KCNC3: variants seen among roughly 807,000 people sequenced by gnomAD.
KCNC3 encodes the protein potassium voltage-gated channel subfamily C member 3.
A neutral mutation model predicts 43.9 loss-of-function variants in KCNC3; 22 were observed. That is an observed-to-expected ratio of 0.50 (90% CI 0.36 to 0.72). KCNC3 has a LOEUF of 0.72. Among genes scored for constraint, KCNC3 ranks in the 30% least tolerant of loss-of-function variants. The pLI is 0.00. For missense variants in KCNC3, 829 were observed against 1,073.8 expected (o/e 0.77, Z 3.19); for synonymous variants, 492 against 488.0 (o/e 1.01, Z -0.11).
Position 50,320,452 on chromosome 19 carries a change from G to T in KCNC3, c.2171-103C>A, listed in dbSNP as rs2037015275. On this transcript the variant is annotated intron_variant, in intron 3 of 4. Transcript: ENST00000477616. ...AAACTTGGGGCGGGGGTACAGGGAA[G>T]ATCTGGGAGGGAGGCAGTTTGGGGC... 5 of 736,644 alleles carry T rather than the reference G, an allele frequency of 6.8e-6. No individual in the cohort carries two copies. In the East Asian group the frequency reaches 1.1e-4, roughly 16 times the overall value. The allele number at this position is 736,644 out of a possible 1,614,324, so 45.6% of individuals were successfully genotyped here. A position where few individuals can be genotyped will look rare whatever the true frequency, so the allele number is the denominator to read the frequency against.
rs981841005 is a variant in KCNC3, at chr19:50,313,765, A to G, written c.*2350T>C. ...GTCAGTTGTGGGAAGGATTTGGAGC[A>G]TCCCAAAGGCTGAATTTGAGCTGAA... On this transcript the variant is annotated 3_prime_UTR_variant, in exon 5 of 5. Transcript: ENST00000477616. The G allele has an allele frequency of 4.6e-5, 7 of 152,162 alleles. No individual in the cohort carries two copies. The highest frequency in any genetic ancestry group is 1.7e-4 in the African/African-American group (7 of 41,388). The allele number at this position is 152,162 out of a possible 1,614,324, so 9.4% of individuals were successfully genotyped here. A position where few individuals can be genotyped will look rare whatever the true frequency, so the allele number is the denominator to read the frequency against.
At chr19:50,331,758 TC>T (rs1347064537), upstream of KCNC3, among the ~76,000 whole-genome samples, 1 of 152,018 alleles carries the variant, frequency 6.6e-6, no homozygotes, top group Non-Finnish European at 1.5e-5. Context: ...CTATGTCCCC[TC>T]CCTGAGTCTC....
chr19:50,331,436 C>A (rs2037187761), upstream of KCNC3, among the ~76,000 whole-genome samples: 1 of 151,480 alleles, frequency 6.6e-6, no homozygotes, highest in Admixed American at 6.6e-5. Context: ...TGGGTCTCTG[C>A]CCTTTCATCT....
Position 50,320,610 on chromosome 19 carries a change from T to C in KCNC3, c.2153A>G (p.Asp718Gly), listed in dbSNP as rs1043922264. The C allele has an allele frequency of 1.2e-6, 2 of 1,612,174 alleles. No homozygotes were observed. The highest frequency in any genetic ancestry group is 1.3e-5 in the African/African-American group (1 of 74,836). ...CACCTCACCTTTTCGGATGGAGCCA[T>C]CAGGGGAAGGGGCATAGTCGGTGAG... ...FLLTDYAPSP[D>G]GSIRKATGAP... is the part of the protein sequence containing the mutation. The change falls in exon 3 of 5, where the codon GAT becomes GGT. Residue 718 changes from aspartate to glycine, a missense_variant. By Grantham distance (94) the Asp-to-Gly change is moderately conservative. Around this residue, in one of 7 missense-constraint regions of KCNC3, gnomAD observed 308 missense variants for 276.2 expected, o/e 1.11. Transcript: ENST00000477616.
rs1439323414 is a variant in KCNC3, at chr19:50,328,510, C to T, written c.573G>A (p.Gln191=). The T allele has an allele frequency of 6.2e-7, 1 of 1,610,378 alleles. No individual in the cohort carries two copies. Among genetic ancestry groups the T allele is most frequent in the Non-Finnish European group, 8.5e-7 (1 of 1,179,436 alleles). ...VEACCWMTYR[Q]HRDAEEALDS... ...CGAGCGCCTCCTCAGCGTCGCGATG[C>T]TGCCGGTAGGTCATCCAGCAGCAGG... is the stretch of plus-strand genomic sequence containing the variant. The change falls in exon 1 of 5, where the codon CAG becomes CAA. Residue 191 remains glutamine (Q), a synonymous_variant. Coordinates refer to ENST00000477616, the MANE Select transcript of KCNC3 (RefSeq NM_004977.3).
intron 2 of KCNC3, 127 bp from the exon 3 acceptor site, chr19:50,320,911 G>A: frequency 2.3e-6 from 2 of 869,746 alleles, no homozygotes; most frequent in South Asian, 1.6e-5. Context: ...ACTGGAAGTG[G>A]AGATTCAAGG....
At chr19:50,320,845 G>T in intron 2 of KCNC3, 61 bp from the exon 3 acceptor site, 2 of 1,523,822 alleles carry the variant, frequency 1.3e-6, no homozygotes, top group Non-Finnish European at 1.8e-6. Flanking sequence ...GTGAACACGC[G>T]GTGGGGCAAG....
At position 50,312,925 on chromosome 19, in the gene KCNC3, T is replaced by C. The variant is rs1271690602; in HGVS notation, c.*3190A>G. The C allele has an allele frequency of 6.7e-6, 1 of 149,754 alleles. No individual in the cohort carries two copies. Among genetic ancestry groups the C allele is most frequent in the Non-Finnish European group, 1.5e-5 (1 of 66,994 alleles). 9.3% of individuals were successfully genotyped at this position (149,754 alleles called of 1,614,324 possible). On this transcript the variant is annotated 3_prime_UTR_variant, in exon 5 of 5. Coordinates refer to ENST00000477616, the MANE Select transcript of KCNC3 (RefSeq NM_004977.3). ...ACCCCTGCTTCACCAGGGTTTAGGG[T>C]CCGAGGGAAGGATGGGGGGGACTCA...
At chr19:50,317,084 C>G (rs1215776959) in intron 4 of KCNC3, among the ~76,000 whole-genome samples, 1 of 150,048 alleles carries the variant, frequency 6.7e-6, no homozygotes, top group Non-Finnish European at 1.5e-5. Context: ...AGGGGCCCCT[C>G]TAGACCTGGG....
At position 50,328,315 on chromosome 19, in the gene KCNC3, C is replaced by T. The variant is rs1265106064; in HGVS notation, c.768G>A (p.Gly256=). The change falls in exon 1 of 5, where the codon GGG becomes GGA. Residue 256 remains glycine (G), a synonymous_variant. Coordinates refer to ENST00000477616, the MANE Select transcript of KCNC3 (RefSeq NM_004977.3). ...CCGCGCCGCCCGCGCCCCCTGGCGG[C>T]CCCCCGGCGCCGCCGCCCGCGTCCT... is the stretch of plus-strand genomic sequence containing the variant. The part of the protein sequence containing the change: ...CFQDAGGGAG[G]PPGGAGGAGG... 3 of 1,127,382 alleles carry T rather than the reference C, an allele frequency of 2.7e-6. No individual in the cohort carries two copies. Among genetic ancestry groups the T allele is most frequent in the Middle Eastern group, 3.7e-4 (1 of 2,676 alleles). The allele number at this position is 1,127,382 out of a possible 1,614,324, so 69.8% of individuals were successfully genotyped here.
intron 1 of KCNC3, among the ~76,000 whole-genome samples, 188 bp downstream of exon 1, chr19:50,328,025 C>T (rs1420000283): frequency 7.0e-6 from 1 of 142,212 alleles, no homozygotes; most frequent in Non-Finnish European, 1.5e-5. Context: ...TTTGGAGGAT[C>T]TGGGGGATGG....
At chr19:50,320,404 C>T in intron 3 of KCNC3, 55 bp from the exon 4 acceptor site, 1 of 594,628 alleles carries the variant, frequency 1.7e-6, no homozygotes, top group Non-Finnish European at 2.9e-6. Context: ...GGAATAAAGA[C>T]AGGTGAAGGG....
intron 1 of KCNC3, among the ~76,000 whole-genome samples, chr19:50,325,279 T>A (rs1278593470): frequency 1.3e-5 from 2 of 151,782 alleles, no homozygotes; most frequent in Non-Finnish European, 2.9e-5. Context: ...ACAGGTGTTA[T>A]AGTAAAGAGA....
intron 3 of KCNC3, 112 bp from the exon 4 acceptor site, chr19:50,320,461 G>C: frequency 1.3e-6 from 1 of 794,508 alleles, no homozygotes; most frequent in South Asian, 1.6e-5. Flanking sequence ...AGATCTGGGA[G>C]GGAGGCAGTT....
rs752977454 is a variant in KCNC3 at position 50,323,150 on chromosome 19, G to T, written c.1803C>A (p.Thr601=). The change falls in exon 2 of 5, where the codon ACC becomes ACA. Residue 601 remains threonine (T), a synonymous_variant. Transcript: ENST00000477616. ...SGGISPPPPI[T]PPSMGVTVAG... The stretch of plus-strand genomic sequence containing the variant: ...CCACAGTCACCCCCATGGAGGGTGG[G>T]GTGATGGGTGGCGGCGGGCTGATGC... 6.5e-7 allele frequency: 1 copy of T among 1,534,102 alleles called. No individual in the cohort carries two copies. The highest frequency in any genetic ancestry group is 8.7e-7 in the Non-Finnish European group (1 of 1,144,462).
Position 50,329,016 on chromosome 19 carries a change from G to A in KCNC3, c.67C>T (p.Pro23Ser). The A allele has an allele frequency of 7.6e-7, 1 of 1,316,464 alleles. No homozygotes were observed. Among genetic ancestry groups the A allele is most frequent in the Non-Finnish European group, 9.8e-7 (1 of 1,025,576 alleles). The allele number at this position is 1,316,464 out of a possible 1,614,324, so 81.5% of individuals were successfully genotyped here. The change falls in exon 1 of 5, where the codon CCA (proline) becomes TCA (serine). Residue 23 changes from proline to serine, a missense_variant. Physicochemically the swap from Pro to Ser is moderately conservative, Grantham distance 74. Around this residue, in one of 7 missense-constraint regions of KCNC3, gnomAD observed 129 missense variants for 83.6 expected, o/e 1.54. Coordinates refer to ENST00000477616, the MANE Select transcript of KCNC3 (RefSeq NM_004977.3). ...GGGGACTCGGGCGGCTGCGGCGGTG[G>A]CGCCGGCTGCTGCTTGCTGGCCCCC... Reference protein sequence around the residue: ...RQGASKQQPAPPPQPPESPPP... With the variant: ...RQGASKQQPASPPQPPESPPP...
At chr19:50,331,771 A>G (rs1277445390), upstream of KCNC3, among the ~76,000 whole-genome samples, 1 of 150,504 alleles carries the variant, frequency 6.6e-6, no homozygotes, top group South Asian at 2.1e-4. Flanking sequence ...CTGAGTCTCT[A>G]TTCCTCCTAT....
chr19:50,320,649 C>G lies in KCNC3; in HGVS notation c.2114G>C (p.Arg705Pro). Residue 705 changes from arginine to proline, a missense_variant, in exon 3 of 5, where the codon CGA becomes CCA. By Grantham distance (103) the Arg-to-Pro change is moderately radical. This residue lies in a region of KCNC3 where 308 missense variants were observed against 276.2 expected (regional missense o/e 1.11). Coordinates refer to ENST00000477616, the MANE Select transcript of KCNC3 (RefSeq NM_004977.3). ...ATAGTCGGTGAGGAGGAAGCAGGCT[C>G]GGTCCCGGCTATAGCGGCCACGGCT... ...PGSRGRYSRDRACFLLTDYAP... is the reference protein window; with the variant it reads ...PGSRGRYSRDPACFLLTDYAP... 1 of 1,613,312 alleles carries G rather than the reference C, an allele frequency of 6.2e-7. No individual in the cohort carries two copies. The highest frequency in any genetic ancestry group is 1.3e-5 in the African/African-American group (1 of 74,942).
intron 4 of KCNC3, 90 bp from the exon 5 acceptor site, chr19:50,316,181 GA>G (rs2036950953): frequency 2.6e-6 from 1 of 386,700 alleles, no homozygotes; most frequent in Non-Finnish European, 4.8e-6. Context: ...GGGGGATGGA[GA>G]AACGCCGCCG....
Sources: gnomAD v4.1 joint callset for allele counts (sites outside exome capture counted in the v4.1 genomes callset) on GRCh38, gnomAD v4.1.1 for gene constraint, gnomAD v4.1.1 regional missense constraint, MANE v1.5 for transcripts, NCBI Gene and HGNC (gene_info 2026-07-23, HGNC 2026-07-21) for gene names.